Variants in SLC44A5 observed in about 807,000 individuals in gnomAD.
SLC44A5 encodes the protein choline transporter-like protein 5.
Under a neutral mutation model 101.8 loss-of-function variants are expected in SLC44A5, and 57 were observed. That is an observed-to-expected ratio of 0.56 (90% CI 0.45 to 0.70). The LOEUF (loss-of-function observed/expected upper bound fraction) is 0.70. SLC44A5 is among the 30% of genes least tolerant of loss of function. The pLI is 0.00. For missense variants in SLC44A5, 737 were observed against 853.1 expected (o/e 0.86, Z 1.70); for synonymous variants, 281 against 290.9 (o/e 0.97, Z 0.35).
chr1:75,450,344 A>T (rs895147890), intron 2 of SLC44A5, among the ~76,000 whole-genome samples: 2 of 152,152 alleles, frequency 1.3e-5, no homozygotes, highest in African/African-American at 4.8e-5. Flanking sequence ...AGCTGTAGAC[A>T]TTTTCCCAGA....
At chr1:75,320,811 C>T (rs1466348652) in intron 4 of SLC44A5, among the ~76,000 whole-genome samples, 7 of 152,092 alleles carry the variant, frequency 4.6e-5, no homozygotes, top group Admixed American at 4.6e-4. Flanking sequence ...AATTACCAAG[C>T]AAGCTTTTCA....
intron 1 of SLC44A5, among the ~76,000 whole-genome samples, chr1:75,593,588 G>A (rs1010809942): frequency 1.3e-5 from 2 of 152,050 alleles, no homozygotes; most frequent in African/African-American, 4.8e-5. Context: ...AGCAACCTAA[G>A]TATCCATCAA....
At chr1:75,447,584 C>A (rs952687856) in intron 2 of SLC44A5, among the ~76,000 whole-genome samples, 1 of 152,026 alleles carries the variant, frequency 6.6e-6, no homozygotes, top group Non-Finnish European at 1.5e-5. Context: ...AGTCTGGATT[C>A]TATTTCAAAT....
intron 3 of SLC44A5, among the ~76,000 whole-genome samples, chr1:75,358,026 A>ACT (rs1659211628): frequency 6.6e-6 from 1 of 151,926 alleles, no homozygotes; most frequent in African/African-American, 2.4e-5. Context: ...ACACACACAC[A>ACT]CATACAATAC....
intron 2 of SLC44A5, among the ~76,000 whole-genome samples, chr1:75,517,102 A>C (rs1669878360): frequency 6.6e-6 from 1 of 152,178 alleles, no homozygotes; most frequent in Non-Finnish European, 1.5e-5. Context: ...CCTTCTTTAA[A>C]GTGAATCTAC....
At position 75,238,530 on chromosome 1, in the gene SLC44A5, T is replaced by C; in HGVS notation, c.639A>G (p.Glu213=). 6.3e-7 allele frequency: 1 copy of C among 1,596,272 alleles called. No individual in the cohort carries two copies. The part of the protein sequence containing the change: ...DGNGGTRSVV[E]LGIAANGINK... ...ACACATACTTTGCAGCAATCCCGAG[T>C]TCTACAACACTTCTTGTCCCTCCAT... Residue 213 remains glutamate (E), a synonymous_variant, in exon 10 of 24, where the codon GAA becomes GAG. Coordinates refer to ENST00000370859, the MANE Select transcript of SLC44A5 (RefSeq NM_001130058.2).
intron 11 of SLC44A5, among the ~76,000 whole-genome samples, chr1:75,236,220 A>C (rs1416210737): frequency 1.3e-5 from 2 of 151,954 alleles, no homozygotes; most frequent in Non-Finnish European, 2.9e-5. Context: ...TGAGAAACTA[A>C]ATTGGGCTAG....
chr1:75,405,809 G>A (rs1157910206), intron 2 of SLC44A5, among the ~76,000 whole-genome samples: 1 of 128,292 alleles, frequency 7.8e-6, no homozygotes, highest in African/African-American at 3.2e-5. Context: ...AGAGAAGCAA[G>A]AGCAAACAAA....
chr1:75,510,908 C>T (rs537431358), intron 2 of SLC44A5, among the ~76,000 whole-genome samples: 97 of 152,190 alleles, frequency 6.4e-4, no homozygotes, highest in African/African-American at 2.2e-3. Context: ...TTTGGGAGGC[C>T]GAGGCAGGTG....
chr1:75,322,346 T>C (rs993880758), intron 4 of SLC44A5, among the ~76,000 whole-genome samples: 7 of 152,022 alleles, frequency 4.6e-5, no homozygotes, highest in African/African-American at 1.7e-4. Context: ...ACATCCAATA[T>C]TGCTACAGCC....
At chr1:75,588,751 G>A (rs56220850) in intron 1 of SLC44A5, among the ~76,000 whole-genome samples, 145,761 of 152,162 alleles carry the variant, frequency 0.96, 69,853 homozygotes, top group African/African-American at 0.97. Context: ...TTTTTAAAAA[G>A]CAGATAATAT....
intron 5 of SLC44A5, among the ~76,000 whole-genome samples, chr1:75,281,510 G>A (rs1422968966): frequency 6.6e-6 from 1 of 151,910 alleles, no homozygotes; most frequent in Non-Finnish European, 1.5e-5. Flanking sequence ...GTATCAAGCA[G>A]CCAGATGTTA....
chr1:75,331,432 T>C (rs1232312191), intron 4 of SLC44A5, among the ~76,000 whole-genome samples: 1 of 152,172 alleles, frequency 6.6e-6, no homozygotes, highest in African/African-American at 2.4e-5. Context: ...CAGTAAGTGC[T>C]GCTCCCTCTA....
intron 2 of SLC44A5, among the ~76,000 whole-genome samples, chr1:75,497,334 C>T (rs913566156): frequency 6.6e-6 from 1 of 151,928 alleles, no homozygotes; most frequent in African/African-American, 2.4e-5. Context: ...CCATTTGTTA[C>T]AATGTAAATG....
At chr1:75,667,560 C>A in the SLC44A5 span, among the ~76,000 whole-genome samples, 1 of 152,150 alleles carries the variant, frequency 6.6e-6, no homozygotes, top group African/African-American at 2.4e-5. Context: ...ACTTTCTTCA[C>A]AGAATTGGAA....
chr1:75,330,807 G>A (rs1460008775), intron 4 of SLC44A5, among the ~76,000 whole-genome samples: 1 of 151,956 alleles, frequency 6.6e-6, no homozygotes, highest in Non-Finnish European at 1.5e-5. Context: ...CTGCTGCTGA[G>A]CTTGCTCTTG....
chr1:75,619,556 A>G, the SLC44A5 span, among the ~76,000 whole-genome samples: 1 of 152,142 alleles, frequency 6.6e-6, no homozygotes, highest in African/African-American at 2.4e-5. Context: ...AATACATTAA[A>G]AAAACAAAAA....
At chr1:75,646,743 G>C in the SLC44A5 span, among the ~76,000 whole-genome samples, 11,666 of 152,132 alleles carry the variant, frequency 0.077, 1,512 homozygotes, top group African/African-American at 0.27. Context: ...AAGAAGTAAA[G>C]GCCATTCTTT....
At chr1:75,363,990 T>A (rs1388639851) in intron 3 of SLC44A5, among the ~76,000 whole-genome samples, 1 of 152,202 alleles carries the variant, frequency 6.6e-6, no homozygotes, top group African/African-American at 2.4e-5. Flanking sequence ...ATATTCATCC[T>A]ACTTCTCCTT....
Sources: gnomAD v4.1 joint callset for allele counts (sites outside exome capture counted in the v4.1 genomes callset) on GRCh38, gnomAD v4.1.1 for gene constraint, MANE v1.5 for transcripts, NCBI Gene and HGNC (gene_info 2026-07-23, HGNC 2026-07-21) for gene names.